The following ATP8B4 variants were observed in gnomAD, a reference collection of about 807,000 sequenced individuals.
ATP8B4 encodes ATPase phospholipid transporting 8B4 (putative).
In ATP8B4, 133 loss-of-function variants were observed where a neutral mutation model predicts 145.6. That is an observed-to-expected ratio of 0.91 (90% confidence interval 0.79 to 1.05). The LOEUF is 1.05. ATP8B4 is among the 50% of genes least tolerant of loss of function. The probability of loss-of-function intolerance (pLI) is 0.00; values close to 1 mark genes in which losing one functional copy is unlikely to be tolerated. For missense variants in ATP8B4, 1,458 were observed against 1,425.2 expected, an observed-to-expected ratio of 1.02 and a Z score of -0.37; for synonymous variants, 507 against 492.9, an observed-to-expected ratio of 1.03 and a Z score of -0.38.
rs763928216 is a variant in ATP8B4, at chr15:49,916,936, GA to G, written c.2138del (p.Leu713ProfsTer20). On this transcript the variant is annotated frameshift_variant, in exon 20 of 28. Transcript: ENST00000284509. LOFTEE classifies it high-confidence loss of function. Reference protein sequence around the residue: ...GNNAVEVREELRKAKQNLFGQ... With the variant: ...GNNAVEVREEXRKAKQNLFGQ... ...TTCCTCCTTCCTTCAACACCTACCT[GA>G]GTTCTTCTCTCACTTCCACAGCATT... 1 of 1,611,624 alleles carries G rather than the reference GA, an allele frequency of 6.2e-7. No homozygotes were observed. Among genetic ancestry groups the G allele is most frequent in the East Asian group, 2.2e-5 (1 of 44,806 alleles).
At chr15:49,990,041 T>C (rs1050334929) in intron 9 of ATP8B4, among the ~76,000 whole-genome samples, 1 of 152,210 alleles carries the variant, frequency 6.6e-6, no homozygotes, top group Non-Finnish European at 1.5e-5. Flanking sequence ...AAAGTGGGTA[T>C]ATTTCCATGA....
At chr15:49,877,840 AT>A (rs1438885578) in intron 24 of ATP8B4, among the ~76,000 whole-genome samples, 3 of 152,222 alleles carry the variant, frequency 2.0e-5, no homozygotes, top group African/African-American at 7.2e-5. Flanking sequence ...ATAACAATTA[AT>A]AAAATAATGA....
chr15:50,089,280 G>T (rs1471125769), intron 2 of ATP8B4, among the ~76,000 whole-genome samples: 6 of 152,086 alleles, frequency 3.9e-5, no homozygotes, highest in Non-Finnish European at 8.8e-5. Context: ...TGACAAATGG[G>T]ATCTAATTAA....
chr15:49,863,844 T>C lies in ATP8B4; in HGVS notation c.3167-1469A>G, dbSNP rs77098303. 2.3e-3 allele frequency among the ~76,000 whole-genome samples: 348 copies of C among 152,336 alleles called. 2 individuals are homozygous for C. The highest frequency in any genetic ancestry group is 0.011 in the Admixed American group (175 of 15,310). ...AAAAATTTTCCTGAAACCCCAATGT[T>C]GATCTAACTTTTAAAAAATTTCACT... On this transcript the variant is annotated intron_variant, in intron 26 of 27. Transcript: ENST00000284509.
intron 8 of ATP8B4, among the ~76,000 whole-genome samples, chr15:50,000,794 A>G (rs2047823953): frequency 6.6e-6 from 1 of 152,140 alleles, no homozygotes; most frequent in Non-Finnish European, 1.5e-5. Context: ...CTAGATTTCA[A>G]AGATTTCCTC....
intron 24 of ATP8B4, 77 bp from the exon 25 acceptor site, chr15:49,876,600 T>G: frequency 1.3e-6 from 2 of 1,573,098 alleles, no homozygotes; most frequent in Non-Finnish European, 1.7e-6. Flanking sequence ...TCTTCAGAAA[T>G]AGCAAATGCC....
At chr15:50,079,011 T>C (rs532737455) in intron 2 of ATP8B4, among the ~76,000 whole-genome samples, 46 of 152,332 alleles carry the variant, frequency 3.0e-4, no homozygotes, top group African/African-American at 1.1e-3. Context: ...AGACCTACTA[T>C]TTGACAGCAA....
intron 6 of ATP8B4, among the ~76,000 whole-genome samples, chr15:50,030,456 G>A (rs2050349563): frequency 6.6e-6 from 1 of 151,978 alleles, no homozygotes; most frequent in African/African-American, 2.4e-5. Context: ...CAATTTGAGG[G>A]GCCCCAGACA....
intron 2 of ATP8B4, among the ~76,000 whole-genome samples, chr15:50,104,866 T>TACACACACAC (rs142425113): frequency 1.2e-3 from 145 of 116,386 alleles, no homozygotes; most frequent in African/African-American, 2.3e-3. Flanking sequence ...AAATGTTGCA[T>TACACACACAC]ACACACACAC....
chr15:49,928,439 G>T (rs963445799), intron 16 of ATP8B4, among the ~76,000 whole-genome samples: 1 of 152,036 alleles, frequency 6.6e-6, no homozygotes, highest in Non-Finnish European at 1.5e-5. Context: ...GTCTAGTTGA[G>T]CTCAAAGTTT....
chr15:49,898,360 C>T, intron 21 of ATP8B4, 109 bp from the exon 22 acceptor site: 4 of 1,153,730 alleles, frequency 3.5e-6, no homozygotes, highest in Non-Finnish European at 4.8e-6. Context: ...TTTGCTAAAC[C>T]ATTTCATTCA....
At chr15:49,917,067 TAA>T in intron 19 of ATP8B4, 28 bp from the exon 20 acceptor site, 1 of 1,600,228 alleles carries the variant, frequency 6.2e-7, no homozygotes, top group Non-Finnish European at 8.6e-7. Flanking sequence ...CCAATTCAGT[TAA>T]AATGTTACTT....
At chr15:50,052,485 T>A (rs1210116727) in intron 3 of ATP8B4, among the ~76,000 whole-genome samples, 1 of 152,080 alleles carries the variant, frequency 6.6e-6, no homozygotes, top group Non-Finnish European at 1.5e-5. Flanking sequence ...TCCCCGTAAA[T>A]GAATGTGAGG....
At chr15:50,080,676 TC>T (rs1202450433) in intron 2 of ATP8B4, among the ~76,000 whole-genome samples, 1 of 151,870 alleles carries the variant, frequency 6.6e-6, no homozygotes, top group Non-Finnish European at 1.5e-5. Flanking sequence ...CAAACAATCC[TC>T]CCACCTTGGC....
intron 1 of ATP8B4, among the ~76,000 whole-genome samples, chr15:50,158,447 A>C (rs1163675927): frequency 4.4e-5 from 6 of 135,132 alleles, no homozygotes; most frequent in East Asian, 4.6e-4. Context: ...GGGGGGTCAG[A>C]CCCCGCCCGG....
chr15:50,072,952 C>G (rs2053865120), intron 3 of ATP8B4, among the ~76,000 whole-genome samples: 1 of 29,288 alleles, frequency 3.4e-5, no homozygotes, highest in Non-Finnish European at 6.0e-5. Context: ...CTCTCTCTCT[C>G]TCTCTCTCTC....
At chr15:50,058,883 T>G in intron 3 of ATP8B4, among the ~76,000 whole-genome samples, 1 of 147,654 alleles carries the variant, frequency 6.8e-6, no homozygotes, top group African/African-American at 2.5e-5. Flanking sequence ...GGAGTAGAGG[T>G]GTTGAGAGGG....
chr15:50,103,679 T>A (rs1442175153), intron 2 of ATP8B4, among the ~76,000 whole-genome samples: 1 of 152,068 alleles, frequency 6.6e-6, no homozygotes, highest in Non-Finnish European at 1.5e-5. Flanking sequence ...ACAAATTCAA[T>A]GCAATTCCCA....
chr15:49,996,717 T>G lies in ATP8B4; in HGVS notation c.549A>C (p.Ser183=), dbSNP rs2047458267. Residue 183 remains serine, a synonymous_variant, in exon 9 of 28, where the codon TCA becomes TCC. Transcript: ENST00000284509. ...LKVRHALSVT[S]ELGADISRLA... ...GTCTGCTGATATCTGCTCCAAGTTC[T>G]GAAGTAACTGATAGTGCATGGCGGA... The G allele has an allele frequency of 6.2e-7, 1 of 1,611,052 alleles. No homozygotes were observed. Among genetic ancestry groups the G allele is most frequent in the Non-Finnish European group, 8.5e-7 (1 of 1,177,904 alleles).
Sources: allele counts gnomAD v4.1 joint callset (sites outside exome capture counted in the v4.1 genomes callset), GRCh38; gene constraint gnomAD v4.1.1; transcripts MANE v1.5; gene names NCBI Gene and HGNC (gene_info 2026-07-23, HGNC 2026-07-21).